The following MYH15 variants were observed in gnomAD, a reference collection of about 807,000 sequenced individuals.
The protein encoded by MYH15 is myosin-15.
Under a neutral mutation model 240.5 loss-of-function variants are expected in MYH15, and 227 were observed. The observed-to-expected ratio is 0.94, with a 90% CI of 0.85 to 1.05. The LOEUF is 1.05. MYH15 is among the 50% of genes least tolerant of loss of function. The pLI, the probability that MYH15 is intolerant of heterozygous loss-of-function variation, is 0.00. For synonymous variants in MYH15, 785 were observed against 796.7 expected, an observed-to-expected ratio of 0.99 and a Z score of 0.25; for missense variants, 2,217 against 2,247.5, an observed-to-expected ratio of 0.99 and a Z score of 0.27.
At chr3:108,435,595 T>C (rs1490702372) in intron 25 of MYH15, among the ~76,000 whole-genome samples, 2 of 149,686 alleles carry the variant, frequency 1.3e-5, no homozygotes, top group South Asian at 2.1e-4. Flanking sequence ...TTATTTCCCT[T>C]AGTATAATGT....
At chr3:108,437,185 ATT>A (rs10714366) in intron 25 of MYH15, among the ~76,000 whole-genome samples, 177 of 142,452 alleles carry the variant, frequency 1.2e-3, no homozygotes, top group South Asian at 4.0e-3. Flanking sequence ...ATCAGGATCA[ATT>A]TTTTTTTTTT....
chr3:108,416,914 C>T lies in MYH15; in HGVS notation c.3846G>A (p.Arg1282=), dbSNP rs1576220227. 3 of 1,613,490 alleles carry T rather than the reference C, an allele frequency of 1.9e-6. No individual in the cohort carries two copies. Among genetic ancestry groups the T allele is most frequent in the Non-Finnish European group, 2.5e-6 (3 of 1,179,482 alleles). The change falls in exon 29 of 41, where the codon AGG becomes AGA. Residue 1282 remains arginine (R), a synonymous_variant. Transcript: ENST00000693548. ...LWSESGEFLR[R]LEEKEALINQ... Reference sequence around the variant, plus strand: ...TTATCAGAGCCTCCTTCTCTTCAAGCCTCCGTAGGAACTCGCCTACAGAAA... The same window carrying T: ...TTATCAGAGCCTCCTTCTCTTCAAGTCTCCGTAGGAACTCGCCTACAGAAA...
In MYH15 at chr3:108,460,567, C is replaced by T. The variant is rs532979865; in HGVS notation, c.1865-200G>A. On this transcript the variant is annotated intron_variant, in intron 16 of 40. Transcript: ENST00000693548. ...GTTTTTCCTTAAGGATATAATCAGG[C>T]AACTGTGCAATGATACTCACTGAAG... Among the ~76,000 whole-genome samples, 11 of 152,068 alleles carry T rather than the reference C, an allele frequency of 7.2e-5. No individual in the cohort carries two copies. In the South Asian group the frequency reaches 2.3e-3, roughly 32 times the overall value.
rs565486795 is a variant in MYH15, at chr3:108,431,042, C to T, written c.3222-120G>A. 4.7e-5 allele frequency: 33 copies of T among 696,594 alleles called. No individual in the cohort carries two copies. In the South Asian group the frequency reaches 5.7e-4, roughly 12 times the overall value. The allele number at this position is 696,594 out of a possible 1,614,324, so 43.2% of individuals were successfully genotyped here. ...TAAATGTTTGAGGTGATAGATATCC[C>T]AATTACCCTGATTTACTCATTGTAC... On this transcript the variant is annotated intron_variant, in intron 25 of 40. Coordinates refer to ENST00000693548, the MANE Select transcript of MYH15 (RefSeq NM_014981.3).
intron 12 of MYH15, among the ~76,000 whole-genome samples, chr3:108,475,821 A>C (rs2083215091): frequency 6.6e-6 from 1 of 152,200 alleles, no homozygotes; most frequent in Non-Finnish European, 1.5e-5. Flanking sequence ...GGCCCTGGGA[A>C]TATTTACTGC....
chr3:108,407,570 G>C (rs1485989293), intron 32 of MYH15, among the ~76,000 whole-genome samples: 1 of 152,170 alleles, frequency 6.6e-6, no homozygotes, highest in Non-Finnish European at 1.5e-5. Context: ...TACAGCCAGA[G>C]ACTTTTCCTG....
At position 108,463,124 on chromosome 3, in the gene MYH15, C is replaced by A; in HGVS notation, c.1851G>T (p.Met617Ile). 4 of 1,610,948 alleles carry A rather than the reference C, an allele frequency of 2.5e-6. No homozygotes were observed. The highest frequency in any genetic ancestry group is 1.3e-5 in the African/African-American group (1 of 74,764). Residue 617 changes from methionine (M) to isoleucine (I), a missense_variant, in exon 16 of 41, where the codon ATG becomes ATT. Transcript: ENST00000693548. ...RLLASLFENYMSTDSAIPFGE... is the reference protein window; with the variant it reads ...RLLASLFENYISTDSAIPFGE... ...TGTATGACTCACCACTGTCAGTACT[C>A]ATGTAATTTTCAAAAAGGCTCGCCA...
In MYH15 at chr3:108,454,080, T is replaced by G. The variant is rs200731611; in HGVS notation, c.2325A>C (p.Lys775Asn). 5.0e-6 allele frequency: 8 copies of G among 1,612,894 alleles called. No individual in the cohort carries two copies. Among genetic ancestry groups the G allele is most frequent in the Non-Finnish European group, 5.9e-6 (7 of 1,179,278 alleles). The change falls in exon 21 of 41, where the codon AAA becomes AAC. Residue 775 changes from lysine (K) to asparagine (N), a missense_variant. Physicochemically the swap from Lys to Asn is moderately conservative, Grantham distance 94 (BLOSUM62 0). Coordinates refer to ENST00000693548, the MANE Select transcript of MYH15 (RefSeq NM_014981.3). ...LEAIRDERLS[K>N]VFTLFQARAQ... ...CTCTGGCTTGGAACAATGTGAAGAC[T>G]TTAGATAGTCTCTCATCTCTTATTG... is the stretch of plus-strand genomic sequence containing the variant.
chr3:108,414,220 T>C lies in MYH15; in HGVS notation c.4145+12A>G. 6.2e-7 allele frequency: 1 copy of C among 1,612,374 alleles called. No homozygotes were observed. The highest frequency in any genetic ancestry group is 1.1e-5 in the South Asian group (1 of 90,950). On this transcript the variant is annotated intron_variant, in intron 30 of 40. Transcript: ENST00000693548. ...AGTAACTCCAGGTTAAGGATAGCCTTGCCCTACTCACTTGGCATCCTCCAA... is the reference window on the plus strand; with the variant it reads ...AGTAACTCCAGGTTAAGGATAGCCTCGCCCTACTCACTTGGCATCCTCCAA...
upstream of MYH15, chr3:108,529,342 T>TG: frequency 7.8e-7 from 1 of 1,281,712 alleles, no homozygotes; most frequent in Non-Finnish European, 1.1e-6. Context: ...GAGGATCCGA[T>TG]GAGAGAATGA....
chr3:108,414,269 T>C lies in MYH15; in HGVS notation c.4108A>G (p.Asn1370Asp). 2 of 1,614,172 alleles carry C rather than the reference T, an allele frequency of 1.2e-6. No homozygotes were observed. The highest frequency in any genetic ancestry group is 1.7e-6 in the Non-Finnish European group (2 of 1,180,020). Residue 1370 changes from asparagine (N) to aspartate (D), a missense_variant, in exon 30 of 41, where the codon AAT (asparagine) becomes GAT (aspartate). Physicochemically the swap from Asn to Asp is conservative, Grantham distance 23. Transcript: ENST00000693548. ...AAGTCTTCTGTTCTCTGGATGACAT[T>C]GTTTTCATACTTCATTCTCCATTGC... Reference protein sequence around the residue: ...MVQWRMKYENNVIQRTEDLED... With the variant: ...MVQWRMKYENDVIQRTEDLED...
At chr3:108,460,901 C>G (rs1368662945) in intron 16 of MYH15, among the ~76,000 whole-genome samples, 3 of 151,964 alleles carry the variant, frequency 2.0e-5, no homozygotes, top group Non-Finnish European at 4.4e-5. Flanking sequence ...AAAATGTAAA[C>G]AGTTTGTTAA....
chr3:108,396,329 GAC>G (rs1481012292), intron 35 of MYH15, among the ~76,000 whole-genome samples: 1 of 152,170 alleles, frequency 6.6e-6, no homozygotes, highest in Non-Finnish European at 1.5e-5. Flanking sequence ...TTTTTCCATA[GAC>G]CAGGTAGCAG....
In MYH15 at chr3:108,492,860, G is replaced by C. The variant is rs111708655; in HGVS notation, c.775+254C>G. On this transcript the variant is annotated intron_variant, in intron 8 of 40. Transcript: ENST00000693548. ...CAGCTACTTGAGAGGCTGAGGTAGA[G>C]GATTGCTTGATCCCAGGAATTCGAG... 3.6e-3 allele frequency among the ~76,000 whole-genome samples: 544 copies of C among 152,082 alleles called. 3 individuals carry two copies. The highest frequency in any genetic ancestry group is 6.1e-3 in the Non-Finnish European group (417 of 67,982).
At chr3:108,459,133 T>C (rs1193837635) in intron 18 of MYH15, among the ~76,000 whole-genome samples, 1 of 152,178 alleles carries the variant, frequency 6.6e-6, no homozygotes, top group Non-Finnish European at 1.5e-5. Context: ...ATATCAAACA[T>C]TCTAATGTTG....
chr3:108,388,960 C>T lies in MYH15; in HGVS notation c.5535+10G>A, dbSNP rs1481461937. The T allele has an allele frequency of 1.9e-6, 3 of 1,611,794 alleles. No individual in the cohort carries two copies. The highest frequency in any genetic ancestry group is 2.2e-5 in the East Asian group (1 of 44,742). Reference sequence around the variant, plus strand: ...CAGCCAGACAAACAGGGAATGGTTTCCTGGAGTACCTGATAGGTCAGCTCT... The same window carrying T: ...CAGCCAGACAAACAGGGAATGGTTTTCTGGAGTACCTGATAGGTCAGCTCT... On this transcript the variant is annotated intron_variant, in intron 38 of 40. Transcript: ENST00000693548.
intron 14 of MYH15, among the ~76,000 whole-genome samples, chr3:108,465,442 G>A (rs1450520440): frequency 6.6e-6 from 1 of 152,214 alleles, no homozygotes; most frequent in African/African-American, 2.4e-5. Context: ...AGGCCTTATA[G>A]GCTGTAGTAA....
intron 1 of MYH15, among the ~76,000 whole-genome samples, chr3:108,528,154 G>A (rs558047791): frequency 9.9e-4 from 150 of 152,192 alleles, no homozygotes; most frequent in African/African-American, 8.4e-4. Flanking sequence ...TGAAGGGGAT[G>A]CATATTCAAA....
Position 108,499,597 on chromosome 3 carries a change from T to C in MYH15, c.497-115A>G, listed in dbSNP as rs1234711171. 5 of 989,888 alleles carry C rather than the reference T, an allele frequency of 5.1e-6. No homozygotes were observed. In the East Asian group the frequency reaches 9.9e-5, roughly 20 times the overall value. 61.3% of individuals were successfully genotyped at this position (989,888 alleles called of 1,614,324 possible). ...TGAAATCAGACACAAGGGAAAGGAT[T>C]AGCATCATTTATAGTTAGAAAAACA... On this transcript the variant is annotated intron_variant, in intron 4 of 40. Transcript: ENST00000693548.
Sources: allele counts gnomAD v4.1 joint callset (sites outside exome capture counted in the v4.1 genomes callset), GRCh38; gene constraint gnomAD v4.1.1; transcripts MANE v1.5; gene names NCBI Gene and HGNC (gene_info 2026-07-23, HGNC 2026-07-21).